The following KLHL1 variants were observed in gnomAD, a reference collection of about 807,000 sequenced individuals.
KLHL1 encodes kelch like family member 1.
KLHL1 carries 47 observed loss-of-function variants against 77.7 expected under a neutral mutation model. The observed-to-expected ratio is 0.60, with a 90% CI of 0.48 to 0.77. KLHL1 has a LOEUF of 0.77. Among genes scored for constraint, KLHL1 ranks in the 30% least tolerant of loss-of-function variants. The pLI is 0.00. For missense variants in KLHL1, 925 were observed against 910.8 expected (o/e 1.02, Z -0.20); for synonymous variants, 360 against 325.2 (o/e 1.11, Z -1.15).
At chr13:69,908,702 C>T (rs538272638) in intron 4 of KLHL1, among the ~76,000 whole-genome samples, 1 of 151,450 alleles carries the variant, frequency 6.6e-6, no homozygotes, top group South Asian at 2.1e-4. Context: ...CTTATGTAGA[C>T]ATCAATTTCC....
intron 1 of KLHL1, among the ~76,000 whole-genome samples, chr13:70,029,173 A>T (rs1301113815): frequency 6.6e-6 from 1 of 152,074 alleles, no homozygotes; most frequent in Non-Finnish European, 1.5e-5. Context: ...ATCCAAAACA[A>T]AGTGGAGACT....
intron 5 of KLHL1, among the ~76,000 whole-genome samples, chr13:69,842,950 T>A (rs1879324540): frequency 1.3e-5 from 2 of 151,614 alleles, no homozygotes; most frequent in African/African-American, 4.8e-5. Flanking sequence ...AAGACAAATA[T>A]CACATGTTCT....
chr13:69,972,656 T>C (rs779824751), intron 2 of KLHL1, among the ~76,000 whole-genome samples: 1 of 151,882 alleles, frequency 6.6e-6, no homozygotes, highest in Non-Finnish European at 1.5e-5. Context: ...TAAATAACAT[T>C]ATTTCCAACT....
intron 4 of KLHL1, among the ~76,000 whole-genome samples, chr13:69,897,905 T>G (rs1314276182): frequency 6.6e-6 from 1 of 152,232 alleles, no homozygotes; most frequent in Non-Finnish European, 1.5e-5. Flanking sequence ...CTGTGGTTAC[T>G]GAGTCCAGTT....
intron 4 of KLHL1, among the ~76,000 whole-genome samples, chr13:69,915,032 A>G (rs1180904428): frequency 6.6e-6 from 1 of 152,138 alleles, no homozygotes; most frequent in East Asian, 1.9e-4. Flanking sequence ...AGAAGCAGGG[A>G]CTTATGGTAC....
intron 1 of KLHL1, among the ~76,000 whole-genome samples, chr13:70,070,328 A>G (rs930335803): frequency 3.9e-5 from 6 of 152,058 alleles, no homozygotes; most frequent in Non-Finnish European, 7.3e-5. Context: ...AAAATCAAGG[A>G]GAAAGAGGAC....
chr13:69,913,355 G>C (rs1188456401), intron 4 of KLHL1, among the ~76,000 whole-genome samples: 1 of 152,140 alleles, frequency 6.6e-6, no homozygotes, highest in African/African-American at 2.4e-5. Flanking sequence ...GCATCTCCCA[G>C]ATCACTAGCA....
intron 1 of KLHL1, among the ~76,000 whole-genome samples, chr13:70,013,551 T>C (rs1885587063): frequency 6.6e-6 from 1 of 152,240 alleles, no homozygotes; most frequent in African/African-American, 2.4e-5. Flanking sequence ...GCATTGTTCT[T>C]TGTATTTTAA....
At chr13:69,769,944 C>T (rs2137980278) in intron 7 of KLHL1, among the ~76,000 whole-genome samples, 1 of 152,218 alleles carries the variant, frequency 6.6e-6, no homozygotes, top group Admixed American at 6.5e-5. Context: ...CTCCTGTTTG[C>T]CAGACTATGG....
At chr13:69,989,728 GA>G (rs1350065313) in intron 1 of KLHL1, among the ~76,000 whole-genome samples, 1 of 151,850 alleles carries the variant, frequency 6.6e-6, no homozygotes. Flanking sequence ...TGGCAACTGT[GA>G]ATGAGATTGC....
intron 7 of KLHL1, among the ~76,000 whole-genome samples, chr13:69,745,663 A>C (rs1874180545): frequency 1.3e-5 from 2 of 151,940 alleles, no homozygotes; most frequent in South Asian, 4.1e-4. Context: ...AAAACAATAA[A>C]CTTTTCAGAA....
chr13:70,036,614 T>G (rs1050991554), intron 1 of KLHL1, among the ~76,000 whole-genome samples: 2 of 151,950 alleles, frequency 1.3e-5, no homozygotes, highest in Non-Finnish European at 2.9e-5. Flanking sequence ...AACTTGCTTT[T>G]TTACTCAATG....
chr13:70,073,833 T>A (rs1887197813), intron 1 of KLHL1, among the ~76,000 whole-genome samples: 1 of 94,538 alleles, frequency 1.1e-5, no homozygotes, highest in Non-Finnish European at 2.2e-5. Context: ...CATAATTTTC[T>A]TTTTTTTTTG....
intron 1 of KLHL1, among the ~76,000 whole-genome samples, chr13:70,095,235 C>T (rs1887758886): frequency 6.6e-6 from 1 of 152,046 alleles, no homozygotes; most frequent in Admixed American, 6.6e-5. Context: ...GGCTTTTGCA[C>T]CACTTCCAGA....
chr13:70,051,993 A>G (rs565681696), intron 1 of KLHL1, among the ~76,000 whole-genome samples: 9 of 151,150 alleles, frequency 6.0e-5, no homozygotes, highest in Admixed American at 5.3e-4. Flanking sequence ...TTTATAAAGT[A>G]TTTCTTATTC....
At chr13:69,920,280 A>T (rs566125217) in intron 4 of KLHL1, among the ~76,000 whole-genome samples, 13 of 152,238 alleles carry the variant, frequency 8.5e-5, no homozygotes, top group African/African-American at 3.1e-4. Flanking sequence ...ACAGTATATG[A>T]TTACTATAAT....
chr13:69,931,933 G>A (rs1883015686), intron 4 of KLHL1, among the ~76,000 whole-genome samples: 1 of 151,620 alleles, frequency 6.6e-6, no homozygotes, highest in South Asian at 2.1e-4. Flanking sequence ...TAATGAGGAG[G>A]TACAATAATA....
intron 1 of KLHL1, among the ~76,000 whole-genome samples, chr13:70,007,505 C>G (rs574753742): frequency 3.3e-5 from 5 of 150,756 alleles, no homozygotes; most frequent in African/African-American, 9.7e-5. Flanking sequence ...TCCTGGCATA[C>G]ATAGGATAAA....
chr13:69,779,381 TCCTCCCCTGTCCTCCCC>T (rs1876014061), intron 7 of KLHL1, among the ~76,000 whole-genome samples: 1 of 134,638 alleles, frequency 7.4e-6, no homozygotes, highest in Non-Finnish European at 1.6e-5. Flanking sequence ...CCCTCCCCTC[TCCTCCCCTGTCCTCCCC>T]TCTTCCCTCC....
Sources: gnomAD v4.1 joint callset for allele counts (sites outside exome capture counted in the v4.1 genomes callset) on GRCh38, gnomAD v4.1.1 for gene constraint, MANE v1.5 for transcripts, NCBI Gene and HGNC (gene_info 2026-07-23, HGNC 2026-07-21) for gene names.